The following SLC25A30 variants were observed in gnomAD, a reference collection of about 807,000 sequenced individuals.
SLC25A30 encodes the protein kidney mitochondrial carrier protein 1.
SLC25A30 carries 29 observed loss-of-function variants against 42.7 expected under a neutral mutation model. The observed-to-expected ratio is 0.68, with a 90% CI of 0.51 to 0.93. The LOEUF is 0.93. SLC25A30 is among the 40% of genes least tolerant of loss of function. The pLI is 0.00. For synonymous variants in SLC25A30, 124 were observed against 131.0 expected (o/e 0.95, Z 0.37); for missense variants, 300 against 359.7 (o/e 0.83, Z 1.34).
chr13:45,423,787 T>TATATAAATATATATTTATATATATAAAA, the SLC25A30 span, among the ~76,000 whole-genome samples: 10 of 54,276 alleles, frequency 1.8e-4, no homozygotes, highest in Admixed American at 7.0e-4. Flanking sequence ...AATATATAAA[T>TATATAAATATATATTTATATATATAAAA]ATATAAATAT....
chr13:45,396,047 A>G (rs778305993), intron 9 of SLC25A30, 32 bp from the exon 10 acceptor site: 3 of 1,614,192 alleles, frequency 1.9e-6, no homozygotes, highest in Non-Finnish European at 1.7e-6. Context: ...GACACAGAAA[A>G]TGCCATCTTC....
chr13:45,420,555 C>T (rs1200402552), upstream of SLC25A30, among the ~76,000 whole-genome samples: 1 of 152,160 alleles, frequency 6.6e-6, no homozygotes, highest in African/African-American at 2.4e-5. Flanking sequence ...GGATTCCTCC[C>T]TTTCCTGTAG....
At chr13:45,423,545 T>A in the SLC25A30 span, among the ~76,000 whole-genome samples, 1 of 87,158 alleles carries the variant, frequency 1.1e-5, no homozygotes, top group African/African-American at 4.7e-5. Flanking sequence ...CAAATATATA[T>A]AAATACATAA....
Position 45,401,668 on chromosome 13 carries a change from T to TA in SLC25A30, c.490-462dup, listed in dbSNP as rs111279387. The stretch of plus-strand genomic sequence containing the variant: ...CCTAAAATCCTTCTCCATAAGAATT[T>TA]AAAAAAAAAAAAAGAGCAAAAGACC... On this transcript the variant is annotated intron_variant, in intron 6 of 9. Transcript: ENST00000519676. 1.6e-3 allele frequency among the ~76,000 whole-genome samples: 231 copies of TA among 143,424 alleles called. 2 individuals are homozygous for TA. The highest frequency in any genetic ancestry group is 2.0e-3 in the African/African-American group (80 of 39,136). The allele number at this position is 143,424 out of a possible 152,430, so 94.1% of individuals were successfully genotyped here. A position where few individuals can be genotyped will look rare whatever the true frequency, so the allele number is the denominator to read the frequency against.
the SLC25A30 span, among the ~76,000 whole-genome samples, chr13:45,428,474 T>C: frequency 2.1e-5 from 3 of 141,480 alleles, no homozygotes; most frequent in Non-Finnish European, 4.6e-5. Flanking sequence ...CCCAAAGTGC[T>C]GGGATTACAG....
chr13:45,400,191 G>A (rs2137635605), intron 7 of SLC25A30, among the ~76,000 whole-genome samples: 1 of 152,084 alleles, frequency 6.6e-6, no homozygotes, highest in Admixed American at 6.6e-5. Flanking sequence ...GGAGGCTGAG[G>A]CGGGTGGATC....
In SLC25A30 at chr13:45,402,032, C is replaced by A. The variant is rs1882032318; in HGVS notation, c.489+243G>T. Among the ~76,000 whole-genome samples, 5 of 142,714 alleles carry A rather than the reference C, an allele frequency of 3.5e-5. No individual in the cohort carries two copies. The Admixed American group carries it at 3.6e-4, about 10-fold the overall frequency. The allele number at this position is 142,714 out of a possible 152,430, so 93.6% of individuals were successfully genotyped here. On this transcript the variant is annotated intron_variant, in intron 6 of 9. Transcript: ENST00000519676. The stretch of plus-strand genomic sequence containing the variant: ...CCAAGATCGTGCCATTGCACTCCAG[C>A]CTGAGCAACAGGGCAAGACTCCATC...
chr13:45,404,177 T>C (rs1882277054), intron 5 of SLC25A30, 150 bp downstream of exon 5: 1 of 600,078 alleles, frequency 1.7e-6, no homozygotes, highest in Non-Finnish European at 2.9e-6. Context: ...ACCCACCTCA[T>C]GGACCTTTAA....
At chr13:45,422,335 C>T (rs1290640522), upstream of SLC25A30, among the ~76,000 whole-genome samples, 10 of 151,910 alleles carry the variant, frequency 6.6e-5, no homozygotes, top group African/African-American at 4.8e-5. Flanking sequence ...TGGTGGTTGG[C>T]GAAAGGAGGA....
chr13:45,397,831 C>A, intron 8 of SLC25A30: 1 of 955,458 alleles, frequency 1.0e-6, no homozygotes, highest in Non-Finnish European at 1.2e-6. Flanking sequence ...CCATGCCCAA[C>A]AACCCCACAC....
chr13:45,433,544 G>T, the SLC25A30 span, among the ~76,000 whole-genome samples: 119 of 152,294 alleles, frequency 7.8e-4, 1 homozygote, highest in Non-Finnish European at 9.8e-4. Flanking sequence ...TCAGTTCTTG[G>T]AACTTGCCCT....
At chr13:45,402,767 C>T (rs1199526157) in intron 5 of SLC25A30, 9 of 985,204 alleles carry the variant, frequency 9.1e-6, no homozygotes, top group African/African-American at 1.7e-5. Context: ...CCTGGCAGCA[C>T]GAAGCACAGG....
chr13:45,422,536 C>A (rs1191333242), upstream of SLC25A30, among the ~76,000 whole-genome samples: 1 of 151,888 alleles, frequency 6.6e-6, no homozygotes, highest in Non-Finnish European at 1.5e-5. Flanking sequence ...CAGATTTTGC[C>A]CTCCAGGAGA....
chr13:45,397,143 G>T, intron 9 of SLC25A30, 115 bp downstream of exon 9: 1 of 739,804 alleles, frequency 1.4e-6, no homozygotes, highest in Non-Finnish European at 2.2e-6. Context: ...AGCATCAGAG[G>T]AACTCAAAAT....
At chr13:45,429,955 A>C in the SLC25A30 span, among the ~76,000 whole-genome samples, 1 of 152,080 alleles carries the variant, frequency 6.6e-6, no homozygotes, top group Non-Finnish European at 1.5e-5. Context: ...AAAAAATGAA[A>C]CTGATACATC....
chr13:45,429,345 AG>A, the SLC25A30 span, among the ~76,000 whole-genome samples: 1 of 152,028 alleles, frequency 6.6e-6, no homozygotes, highest in African/African-American at 2.4e-5. Flanking sequence ...CTAGGATTAC[AG>A]GCATGAGCCA....
chr13:45,433,602 A>G, the SLC25A30 span, among the ~76,000 whole-genome samples: 9 of 152,210 alleles, frequency 5.9e-5, no homozygotes, highest in African/African-American at 1.9e-4. Flanking sequence ...AAGAGCATAC[A>G]TGAGTTTAGC....
intron 9 of SLC25A30, 112 bp downstream of exon 9, chr13:45,397,146 C>T: frequency 1.3e-6 from 1 of 775,996 alleles, no homozygotes; most frequent in Non-Finnish European, 2.1e-6. Flanking sequence ...ATCAGAGGAA[C>T]TCAAAATAAT....
At position 45,408,994 on chromosome 13, in the gene SLC25A30, A is replaced by G; in HGVS notation, c.145T>C (p.Tyr49His). 6.2e-7 allele frequency: 1 copy of G among 1,613,856 alleles called. No individual in the cohort carries two copies. The highest frequency in any genetic ancestry group is 8.5e-7 in the Non-Finnish European group (1 of 1,179,918). ...TNDAKFKEIR[Y>H]RGMLHALVRI... ...ACTAATGCGTGCAACATTCCTCGGT[A>G]TCTAATTTCCTTAAATTTTGCATCA... is the stretch of plus-strand genomic sequence containing the variant. The change falls in exon 3 of 10, where the codon TAC becomes CAC. Residue 49 changes from tyrosine (Y) to histidine (H), a missense_variant. Transcript: ENST00000519676.
Sources: gnomAD v4.1 joint callset for allele counts (sites outside exome capture counted in the v4.1 genomes callset) on GRCh38, gnomAD v4.1.1 for gene constraint, MANE v1.5 for transcripts, NCBI Gene and HGNC (gene_info 2026-07-23, HGNC 2026-07-21) for gene names.